Variants in CCND2 observed in about 807,000 individuals in gnomAD.
CCND2 encodes the protein cyclin D2.
A neutral mutation model predicts 30.2 loss-of-function variants in CCND2; 6 were observed. That is an observed-to-expected ratio of 0.20 (90% CI 0.11 to 0.39). CCND2 has a LOEUF of 0.39. Ranked by LOEUF, CCND2 falls within the 10% of genes least tolerant of loss-of-function variation. CCND2 has a pLI of 1.00. For synonymous variants in CCND2, 150 were observed against 153.1 expected, an observed-to-expected ratio of 0.98 and a Z score of 0.15; for missense variants, 235 against 373.4, an observed-to-expected ratio of 0.63 and a Z score of 3.06.
chr12:4,279,854 T>C (rs1039248020), intron 3 of CCND2, among the ~76,000 whole-genome samples: 1 of 151,412 alleles, frequency 6.6e-6, no homozygotes, highest in South Asian at 2.2e-4. Flanking sequence ...GGAAGACCTT[T>C]CGGTGTGCTT....
intron 2 of CCND2, among the ~76,000 whole-genome samples, chr12:4,277,177 C>T (rs1326568246): frequency 6.6e-6 from 1 of 152,208 alleles, no homozygotes; most frequent in Non-Finnish European, 1.5e-5. Context: ...GGAGAGGGGC[C>T]TGAATGACTT....
intron 4 of CCND2, among the ~76,000 whole-genome samples, chr12:4,292,373 G>T (rs1210934531): frequency 6.6e-6 from 1 of 152,092 alleles, no homozygotes; most frequent in Non-Finnish European, 1.5e-5. Context: ...TTATATGTCA[G>T]CTCCTACACA....
Position 4,288,719 on chromosome 12 carries a change from A to G in CCND2, c.572-123A>G, listed in dbSNP as rs947192882. On this transcript the variant is annotated intron_variant, in intron 3 of 4. Transcript: ENST00000261254. The stretch of plus-strand genomic sequence containing the variant: ...AGAACTCGAGGGAGGACATGCCTGT[A>G]GGGCACGGGGTCACTCGCGCCGCTG... The G allele has an allele frequency of 7.9e-5, 66 of 839,102 alleles. 1 individual carries two copies. In the African/African-American group the frequency reaches 1.1e-3, roughly 14 times the overall value. The allele number at this position is 839,102 out of a possible 1,614,324, so 52.0% of individuals were successfully genotyped here.
intron 4 of CCND2, among the ~76,000 whole-genome samples, chr12:4,294,907 C>T (rs74058830): frequency 2.4e-4 from 37 of 152,354 alleles, no homozygotes; most frequent in Middle Eastern, 3.4e-3. Context: ...AGGTGGAGGT[C>T]TTCCTCTCTC....
intron 3 of CCND2, among the ~76,000 whole-genome samples, chr12:4,288,066 T>C (rs1351235014): frequency 6.6e-6 from 1 of 152,140 alleles, no homozygotes; most frequent in Non-Finnish European, 1.5e-5. Flanking sequence ...TCGGATGCAA[T>C]GATTAATCTT....
In CCND2 at chr12:4,299,176, A is replaced by AT. The variant is rs1864214337; in HGVS notation, c.721-683dup. ...GGAGTTCGAGGCCAGCCTGGCCAAT[A>AT]TGGTGAAACCCTGTCTGTACTAAAA... On this transcript the variant is annotated intron_variant, in intron 4 of 4. Coordinates refer to ENST00000261254, the MANE Select transcript of CCND2 (RefSeq NM_001759.4). This position sits in a 1 kb window ranked among gnomAD's most constrained non-coding sequence, Gnocchi z 5.2. Among the ~76,000 whole-genome samples, 1 of 152,000 alleles carries AT rather than the reference A, an allele frequency of 6.6e-6. No homozygotes were observed. Among genetic ancestry groups the AT allele is most frequent in the South Asian group, 2.1e-4 (1 of 4,820 alleles).
chr12:4,280,684 C>T lies in CCND2; in HGVS notation c.571+1765C>T, dbSNP rs927257583. Among the ~76,000 whole-genome samples the T allele has an allele frequency of 2.3e-4, 35 of 151,880 alleles. 1 individual carries two copies. The highest frequency in any genetic ancestry group is 1.5e-3 in the Admixed American group (23 of 15,276). On this transcript the variant is annotated intron_variant, in intron 3 of 4. Coordinates refer to ENST00000261254, the MANE Select transcript of CCND2 (RefSeq NM_001759.4). ...CTCCTTCCTCTCTCATCATGATTCACTGTGGGGGAGGGGTCAGCCAGTTCT... is the reference window on the plus strand; with the variant it reads ...CTCCTTCCTCTCTCATCATGATTCATTGTGGGGGAGGGGTCAGCCAGTTCT...
intron 2 of CCND2, chr12:4,278,557 G>T: frequency 2.2e-6 from 1 of 462,920 alleles, no homozygotes; most frequent in Non-Finnish European, 3.9e-6. Flanking sequence ...TTTCAGTGGA[G>T]CCTGACATTT....
chr12:4,298,036 G>C (rs183129896), intron 4 of CCND2: 1 of 241,476 alleles, frequency 4.1e-6, no homozygotes, highest in East Asian at 9.6e-5. Flanking sequence ...GAATTCTTTA[G>C]GTTCCAGGAC....
chr12:4,294,129 G>A (rs1430778304), intron 4 of CCND2, among the ~76,000 whole-genome samples: 1 of 152,158 alleles, frequency 6.6e-6, no homozygotes, highest in Non-Finnish European at 1.5e-5. Flanking sequence ...GAGGGCTAAT[G>A]GTAGGAGTTC....
chr12:4,294,378 AC>A (rs1453913736), intron 4 of CCND2, among the ~76,000 whole-genome samples: 1 of 152,154 alleles, frequency 6.6e-6, no homozygotes, highest in African/African-American at 2.4e-5. Flanking sequence ...AGGCTGACAG[AC>A]GAGCATTATG....
At chr12:4,281,634 C>T (rs914772428) in intron 3 of CCND2, among the ~76,000 whole-genome samples, 1 of 151,962 alleles carries the variant, frequency 6.6e-6, no homozygotes, top group African/African-American at 2.4e-5. Flanking sequence ...GGGTGGGGGT[C>T]CCGAGAGATG....
intron 4 of CCND2, among the ~76,000 whole-genome samples, chr12:4,294,415 G>T (rs574638384): frequency 6.6e-6 from 1 of 152,096 alleles, no homozygotes; most frequent in African/African-American, 2.4e-5. Flanking sequence ...AGCTTAATTT[G>T]GGGCATCTTA....
chr12:4,295,468 G>A (rs537284706), intron 4 of CCND2, among the ~76,000 whole-genome samples: 1 of 152,296 alleles, frequency 6.6e-6, no homozygotes, highest in South Asian at 2.1e-4. Context: ...CTTCCAGTCA[G>A]AGGGGTCATC....
Position 4,296,657 on chromosome 12 carries a change from G to A in CCND2, c.721-3203G>A, listed in dbSNP as rs537432028. ...AGTTGGGAACAAGTATATAGTCACT[G>A]CCTCTATGGTATGGAGATACTCCGA... On this transcript the variant is annotated intron_variant, in intron 4 of 4. Coordinates refer to ENST00000261254, the MANE Select transcript of CCND2 (RefSeq NM_001759.4). 1.2e-4 allele frequency among the ~76,000 whole-genome samples: 18 copies of A among 151,498 alleles called. No homozygotes were observed. The East Asian group carries it at 3.5e-3, about 30-fold the overall frequency.
rs566277268 is a variant in CCND2 at position 4,299,443 on chromosome 12, A to C, written c.721-417A>C. Among the ~76,000 whole-genome samples, 5 of 152,274 alleles carry C rather than the reference A, an allele frequency of 3.3e-5. No individual in the cohort carries two copies. In the East Asian group the frequency reaches 9.6e-4, roughly 29 times the overall value. On this transcript the variant is annotated intron_variant, in intron 4 of 4. Transcript: ENST00000261254. This position sits in a 1 kb window ranked among gnomAD's most constrained non-coding sequence, Gnocchi z 5.2. ...GGGCTGAGTTTGCTAATGTCATAGCACTTCTAGTAGCCTTCCCCTTTTCTC... is the reference window on the plus strand; with the variant it reads ...GGGCTGAGTTTGCTAATGTCATAGCCCTTCTAGTAGCCTTCCCCTTTTCTC...
In CCND2 at chr12:4,287,892, C is replaced by T. The variant is rs1864045274; in HGVS notation, c.572-950C>T. On this transcript the variant is annotated intron_variant, in intron 3 of 4. Transcript: ENST00000261254. This position sits in a 1 kb window ranked among gnomAD's most constrained non-coding sequence, Gnocchi z 4.0. ...GAGGAACACAAGGGGGCTGGTCTTCCAAGAGGAGCCCTCTAGCATGGCAGT... is the reference window on the plus strand; with the variant it reads ...GAGGAACACAAGGGGGCTGGTCTTCTAAGAGGAGCCCTCTAGCATGGCAGT... Among the ~76,000 whole-genome samples, 1 of 152,206 alleles carries T rather than the reference C, an allele frequency of 6.6e-6. No individual in the cohort carries two copies. Among genetic ancestry groups the T allele is most frequent in the Non-Finnish European group, 1.5e-5 (1 of 68,034 alleles).
rs146222703 is a variant in CCND2, at chr12:4,290,906, G to A, written c.720+1916G>A. On this transcript the variant is annotated intron_variant, in intron 4 of 4. Transcript: ENST00000261254. The stretch of plus-strand genomic sequence containing the variant: ...AAGTGGGTACGAAGCTGGTTTAGGG[G>A]TGTCCTCCTATAAATCCTAACTGTT... Among the ~76,000 whole-genome samples the A allele has an allele frequency of 9.6e-4, 146 of 152,290 alleles. 1 individual carries two copies. Among genetic ancestry groups the A allele is most frequent in the African/African-American group, 3.2e-3 (132 of 41,556 alleles).
chr12:4,282,397 G>C lies in CCND2; in HGVS notation c.571+3478G>C, dbSNP rs1453995353. The stretch of plus-strand genomic sequence containing the variant: ...ATTGTTGACTAGAACCCATTGTGCT[G>C]TCCTAGCCCCTTCCCTGGCTTTACC... On this transcript the variant is annotated intron_variant, in intron 3 of 4. Transcript: ENST00000261254. This position sits in a 1 kb window ranked among gnomAD's most constrained non-coding sequence, Gnocchi z 4.3. Among the ~76,000 whole-genome samples, 2 of 152,198 alleles carry C rather than the reference G, an allele frequency of 1.3e-5. No homozygotes were observed. The highest frequency in any genetic ancestry group is 2.9e-5 in the Non-Finnish European group (2 of 68,024).
Sources: gnomAD v4.1 joint callset for allele counts (sites outside exome capture counted in the v4.1 genomes callset) on GRCh38, gnomAD v4.1.1 for gene constraint, Gnocchi (gnomAD v3.1) non-coding constraint, MANE v1.5 for transcripts, NCBI Gene and HGNC (gene_info 2026-07-23, HGNC 2026-07-21) for gene names.